The following ADGRF5 variants were observed in gnomAD, a reference collection of about 807,000 sequenced individuals.
ADGRF5 encodes the protein G-protein coupled receptor 116.
Under a neutral mutation model 132.3 loss-of-function variants are expected in ADGRF5, and 75 were observed. The ratio of observed to expected loss-of-function variants is 0.57; its 90% confidence interval spans 0.47 to 0.69. ADGRF5 has a LOEUF of 0.69. Ranked by LOEUF, ADGRF5 falls within the 30% of genes least tolerant of loss-of-function variation. ADGRF5 has a pLI of 0.00. For synonymous variants in ADGRF5, 629 were observed against 597.6 expected (o/e 1.05, Z -0.77); for missense variants, 1,516 against 1,630.6 (o/e 0.93, Z 1.21).
At chr6:46,940,271 A>G (rs1284824800) in intron 1 of ADGRF5, among the ~76,000 whole-genome samples, 2 of 152,262 alleles carry the variant, frequency 1.3e-5, no homozygotes, top group African/African-American at 4.8e-5. Flanking sequence ...TATACTTTTC[A>G]CATCGATCTT....
At chr6:46,916,625 C>G (rs1020952422) in intron 1 of ADGRF5, among the ~76,000 whole-genome samples, 1 of 152,206 alleles carries the variant, frequency 6.6e-6, no homozygotes, top group Non-Finnish European at 1.5e-5. Flanking sequence ...ATGGGCCCCT[C>G]GCTCCTTTCT....
intron 1 of ADGRF5, among the ~76,000 whole-genome samples, chr6:46,932,667 G>A (rs1014572543): frequency 3.3e-5 from 5 of 152,052 alleles, no homozygotes; most frequent in Non-Finnish European, 7.4e-5. Context: ...ACAATAGAAG[G>A]GTGACATCGC....
intron 1 of ADGRF5, among the ~76,000 whole-genome samples, chr6:46,920,525 T>TGG (rs1276899753): frequency 5.3e-4 from 20 of 37,818 alleles, no homozygotes; most frequent in Middle Eastern, 0.011. Flanking sequence ...AGAATAATAT[T>TGG]TGGGGGGGGG....
At chr6:46,891,691 T>A (rs1440506393) in intron 3 of ADGRF5, among the ~76,000 whole-genome samples, 1 of 152,198 alleles carries the variant, frequency 6.6e-6, no homozygotes, top group African/African-American at 2.4e-5. Context: ...GAAGAACAAG[T>A]GTGTGCCTAG....
At chr6:46,927,902 T>C (rs1777336280) in intron 1 of ADGRF5, among the ~76,000 whole-genome samples, 1 of 152,182 alleles carries the variant, frequency 6.6e-6, no homozygotes, top group Non-Finnish European at 1.5e-5. Context: ...CAGAAGTTTC[T>C]CCACGTTGTA....
chr6:46,953,687 A>ATATATATATATATATATATC, intron 1 of ADGRF5, among the ~76,000 whole-genome samples: 1 of 130,274 alleles, frequency 7.7e-6, no homozygotes, highest in Non-Finnish European at 1.6e-5. Context: ...ATATATATAT[A>ATATATATATATATATATATC]TATCTCACTG....
At chr6:46,914,793 AT>A (rs1451980076) in intron 1 of ADGRF5, among the ~76,000 whole-genome samples, 1 of 151,828 alleles carries the variant, frequency 6.6e-6, no homozygotes. Flanking sequence ...GTGCATTCCA[AT>A]TGCAGACGGA....
At chr6:46,869,139 A>G (rs1770775873) in intron 11 of ADGRF5, 47 bp from the exon 12 acceptor site, 4 of 1,577,964 alleles carry the variant, frequency 2.5e-6, no homozygotes, top group African/African-American at 1.3e-5. Context: ...TGACAAGTTC[A>G]ATGTGTAGTA....
chr6:46,870,249 C>T (rs939199660), intron 11 of ADGRF5, among the ~76,000 whole-genome samples: 1 of 152,090 alleles, frequency 6.6e-6, no homozygotes, highest in Non-Finnish European at 1.5e-5. Flanking sequence ...ATCTTCTGGG[C>T]TTAATTGATC....
chr6:46,873,177 C>T (rs1771279644), intron 10 of ADGRF5, among the ~76,000 whole-genome samples: 1 of 152,098 alleles, frequency 6.6e-6, no homozygotes, highest in South Asian at 2.1e-4. Context: ...AGATTTCCTC[C>T]CCTTCAACCC....
intron 3 of ADGRF5, among the ~76,000 whole-genome samples, chr6:46,896,222 T>TC (rs1296963339): frequency 3.3e-5 from 5 of 152,098 alleles, no homozygotes; most frequent in Non-Finnish European, 7.4e-5. Flanking sequence ...GCTCAGCTGA[T>TC]CCAGAATCTA....
At chr6:46,914,608 A>G (rs1375433934) in intron 1 of ADGRF5, among the ~76,000 whole-genome samples, 3 of 152,102 alleles carry the variant, frequency 2.0e-5, no homozygotes, top group African/African-American at 7.2e-5. Context: ...GGCGGCGTTG[A>G]TAACCTTTTA....
chr6:46,864,778 C>A (rs1770214320), intron 14 of ADGRF5, among the ~76,000 whole-genome samples: 1 of 152,150 alleles, frequency 6.6e-6, no homozygotes, highest in Non-Finnish European at 1.5e-5. Context: ...CCCACCTCGG[C>A]CTCCCAAAGT....
At chr6:46,924,667 A>G (rs542699658), upstream of ADGRF5, among the ~76,000 whole-genome samples, 7 of 152,128 alleles carry the variant, frequency 4.6e-5, no homozygotes, top group Non-Finnish European at 8.8e-5. Context: ...CAGTTGTTCA[A>G]TAGGCCCTCA....
chr6:46,881,386 C>A, intron 8 of ADGRF5, 69 bp downstream of exon 8: 1 of 1,373,948 alleles, frequency 7.3e-7, no homozygotes, highest in Non-Finnish European at 1.0e-6. Flanking sequence ...GACATTGTAG[C>A]ATAAACTAAT....
chr6:46,880,631 G>A (rs1256703357), intron 8 of ADGRF5, among the ~76,000 whole-genome samples: 1 of 152,112 alleles, frequency 6.6e-6, no homozygotes, highest in East Asian at 1.9e-4. Flanking sequence ...TAGCTGTGTG[G>A]CCCTGAGGAA....
intron 1 of ADGRF5, among the ~76,000 whole-genome samples, chr6:46,938,757 G>A (rs1430414131): frequency 1.3e-5 from 2 of 152,130 alleles, no homozygotes; most frequent in African/African-American, 4.8e-5. Context: ...GGTAACTCTT[G>A]TGCAAACCAA....
intron 2 of ADGRF5, among the ~76,000 whole-genome samples, chr6:46,901,811 C>T (rs772230642): frequency 1.3e-5 from 2 of 152,140 alleles, no homozygotes; most frequent in South Asian, 2.1e-4. Context: ...CCTATTCCCT[C>T]CTCCTTTCCA....
chr6:46,917,761 T>C (rs1776554274), intron 1 of ADGRF5, among the ~76,000 whole-genome samples: 1 of 151,986 alleles, frequency 6.6e-6, no homozygotes, highest in Admixed American at 6.6e-5. Flanking sequence ...AGTGAGAACA[T>C]GCAGTGTTTG....
Sources: allele counts gnomAD v4.1 joint callset (sites outside exome capture counted in the v4.1 genomes callset), GRCh38; gene constraint gnomAD v4.1.1; transcripts MANE v1.5; gene names NCBI Gene and HGNC (gene_info 2026-07-23, HGNC 2026-07-21).